Variants in TRIM37 observed in about 807,000 individuals in gnomAD.
TRIM37 encodes the protein E3 ubiquitin-protein ligase TRIM37.
A neutral mutation model predicts 129.8 loss-of-function variants in TRIM37; 80 were observed. The ratio of observed to expected loss-of-function variants is 0.62; its 90% CI spans 0.51 to 0.74. The LOEUF (loss-of-function observed/expected upper bound fraction) is 0.74. Among genes scored for constraint, TRIM37 ranks in the 30% least tolerant of loss-of-function variants. The pLI, the probability that TRIM37 is intolerant of heterozygous loss-of-function variation, is 0.00. For missense variants in TRIM37, 1,054 were observed against 1,176.5 expected (o/e 0.90, Z 1.52); for synonymous variants, 389 against 387.1 (o/e 1.00, Z -0.06).
At chr17:59,090,769 T>C (rs1317515308) in intron 3 of TRIM37, among the ~76,000 whole-genome samples, 2 of 151,800 alleles carry the variant, frequency 1.3e-5, no homozygotes, top group Non-Finnish European at 2.9e-5. Context: ...GGGACTATAG[T>C]CGCGCGCCAC....
chr17:58,993,532 C>T (rs151213884), downstream of TRIM37, among the ~76,000 whole-genome samples: 2 of 152,284 alleles, frequency 1.3e-5, no homozygotes, highest in East Asian at 1.9e-4. Context: ...AGCGAGAGGT[C>T]AAACTGTGAT....
chr17:59,061,732 C>T (rs1489212211), intron 11 of TRIM37, among the ~76,000 whole-genome samples: 3 of 151,992 alleles, frequency 2.0e-5, no homozygotes, highest in African/African-American at 4.8e-5. Flanking sequence ...AAAAGAATCA[C>T]ATTTATTATA....
At chr17:58,978,049 A>G (rs1289788340), downstream of TRIM37, among the ~76,000 whole-genome samples, 1 of 152,206 alleles carries the variant, frequency 6.6e-6, no homozygotes, top group African/African-American at 2.4e-5. Flanking sequence ...TCTTGTGTCA[A>G]AGAGAACCTA....
rs748805208 is a variant in TRIM37 at position 58,999,420 on chromosome 17, G to A, written c.2852C>T (p.Pro951Leu). 1 of 1,613,688 alleles carries A rather than the reference G, an allele frequency of 6.2e-7. No individual in the cohort carries two copies. Among genetic ancestry groups the A allele is most frequent in the South Asian group, 1.1e-5 (1 of 91,048 alleles). Residue 951 changes from proline (P) to leucine (L), a missense_variant, in exon 24 of 24, where the codon CCT becomes CTT. By Grantham distance (98) the Pro-to-Leu change is moderately conservative. Transcript: ENST00000262294. ...SSFPDGEQIGPEDLSFNTDEN... is the reference protein window; with the variant it reads ...SSFPDGEQIGLEDLSFNTDEN... Reference sequence around the variant, plus strand: ...ATCTGTATTGAAGCTGAGATCTTCAGGGCCTATTTGTTCACCATCAGGAAA... The same window carrying A: ...ATCTGTATTGAAGCTGAGATCTTCAAGGCCTATTTGTTCACCATCAGGAAA...
intron 1 of TRIM37, 123 bp downstream of exon 1, chr17:59,106,318 C>T: frequency 4.2e-6 from 5 of 1,193,760 alleles, no homozygotes; most frequent in Middle Eastern, 3.8e-4. Flanking sequence ...CCAGCCCTCT[C>T]CACAGCGGCA....
At position 59,056,757 on chromosome 17, in the gene TRIM37, G is replaced by T. The variant is rs528534369; in HGVS notation, c.1199+118C>A. The T allele has an allele frequency of 3.0e-5, 11 of 371,870 alleles. No homozygotes were observed. The East Asian group carries it at 6.4e-4, about 22-fold the overall frequency. 23.0% of individuals were successfully genotyped at this position (371,870 alleles called of 1,614,324 possible). A position where few individuals can be genotyped will look rare whatever the true frequency, so the allele number is the denominator to read the frequency against. On this transcript the variant is annotated intron_variant, in intron 13 of 23. Coordinates refer to ENST00000262294, the MANE Select transcript of TRIM37 (RefSeq NM_015294.6). ...AAAAAAAAAAAAAAAAGGTGATAAG[G>T]TTATAGTTAGTATGAATTTCAATAT...
In TRIM37 at chr17:59,028,561, G is replaced by A; in HGVS notation, c.2111C>T (p.Ala704Val). Residue 704 changes from alanine (A) to valine (V), a missense_variant, in exon 19 of 24, where the codon GCT (alanine) becomes GTT (valine). Coordinates refer to ENST00000262294, the MANE Select transcript of TRIM37 (RefSeq NM_015294.6). ...NTLSEIKSSS[A>V]ASGDMQTSLF... ...GCTTGTCTGCATGTCTCCAGAAGCA[G>A]CACTGCTGCTTTTTATTTCTGAAAG... 1.2e-6 allele frequency: 2 copies of A among 1,614,244 alleles called. No homozygotes were observed. Among genetic ancestry groups the A allele is most frequent in the Non-Finnish European group, 8.5e-7 (1 of 1,180,038 alleles).
intron 19 of TRIM37, 36 bp from the exon 20 acceptor site, chr17:59,017,460 A>G: frequency 6.2e-7 from 1 of 1,613,466 alleles, no homozygotes; most frequent in Admixed American, 1.7e-5. Context: ...TGAATAGGCT[A>G]CTACAGCACA....
intron 18 of TRIM37, among the ~76,000 whole-genome samples, chr17:59,031,345 AG>A (rs1422408431): frequency 2.0e-5 from 3 of 152,242 alleles, no homozygotes; most frequent in Non-Finnish European, 4.4e-5. Context: ...GCAAATACTT[AG>A]TTGTCCAAAA....
chr17:59,042,979 G>A (rs1330714880), intron 16 of TRIM37, among the ~76,000 whole-genome samples: 2 of 152,018 alleles, frequency 1.3e-5, no homozygotes, highest in Admixed American at 1.3e-4. Context: ...GTAGCTTAAT[G>A]GCAATAAGCT....
intron 19 of TRIM37, among the ~76,000 whole-genome samples, chr17:59,026,093 G>A (rs2037220597): frequency 6.6e-6 from 1 of 151,922 alleles, no homozygotes; most frequent in South Asian, 2.1e-4. Flanking sequence ...CACACACAAA[G>A]AGAACCCAGA....
At chr17:58,995,875 C>T (rs534350178), downstream of TRIM37, among the ~76,000 whole-genome samples, 9 of 152,030 alleles carry the variant, frequency 5.9e-5, no homozygotes, top group South Asian at 2.1e-4. Flanking sequence ...AGTGTGACTG[C>T]GCATGCCTGT....
intron 9 of TRIM37, among the ~76,000 whole-genome samples, chr17:59,068,942 A>G (rs763263751): frequency 2.0e-5 from 3 of 152,172 alleles, no homozygotes; most frequent in African/African-American, 4.8e-5. Context: ...GGATACTGCT[A>G]AACATCTTAT....
At chr17:59,022,003 T>C (rs531013119) in intron 19 of TRIM37, among the ~76,000 whole-genome samples, 2 of 152,286 alleles carry the variant, frequency 1.3e-5, no homozygotes, top group South Asian at 4.1e-4. Context: ...TGAGTTACTA[T>C]ACTAGTTTTA....
At chr17:59,085,138 A>T (rs2043638698) in intron 4 of TRIM37, among the ~76,000 whole-genome samples, 1 of 152,146 alleles carries the variant, frequency 6.6e-6, no homozygotes, top group Non-Finnish European at 1.5e-5. Flanking sequence ...TGGCCTGGCC[A>T]ATATAGTGAA....
intron 22 of TRIM37, among the ~76,000 whole-genome samples, chr17:59,007,405 T>C (rs1002256137): frequency 6.6e-6 from 1 of 152,138 alleles, no homozygotes; most frequent in East Asian, 1.9e-4. Flanking sequence ...GGCATCTTAA[T>C]AATTACCCTA....
At chr17:59,067,254 A>C (rs570753708) in intron 9 of TRIM37, among the ~76,000 whole-genome samples, 1 of 152,374 alleles carries the variant, frequency 6.6e-6, no homozygotes, top group African/African-American at 2.4e-5. Flanking sequence ...CTGTGTCTGC[A>C]GATGAGGCAC....
chr17:59,079,391 G>A (rs771385810), intron 7 of TRIM37, among the ~76,000 whole-genome samples: 3 of 152,098 alleles, frequency 2.0e-5, no homozygotes, highest in Admixed American at 1.3e-4. Flanking sequence ...GGATGACGCC[G>A]ATGTTTACAA....
chr17:58,982,589 T>C, downstream of TRIM37: 1 of 280,440 alleles, frequency 3.6e-6, no homozygotes, highest in East Asian at 7.2e-5. Context: ...ATGACTGGCA[T>C]ATTTTGGATA....
Sources: allele counts gnomAD v4.1 joint callset (sites outside exome capture counted in the v4.1 genomes callset), GRCh38; gene constraint gnomAD v4.1.1; transcripts MANE v1.5; gene names NCBI Gene and HGNC (gene_info 2026-07-23, HGNC 2026-07-21).